The following RABGAP1L variants were observed in gnomAD, a reference collection of about 807,000 sequenced individuals.
RABGAP1L encodes RAB GTPase activating protein 1 like.
Under a neutral mutation model 137.7 loss-of-function variants are expected in RABGAP1L, and 63 were observed. The observed-to-expected ratio is 0.46, with a 90% CI of 0.37 to 0.56. The LOEUF (loss-of-function observed/expected upper bound fraction) is 0.56. Ranked by LOEUF, RABGAP1L falls within the 20% of genes least tolerant of loss-of-function variation. RABGAP1L has a pLI of 0.00. For missense variants in RABGAP1L, 1,095 were observed against 1,244.0 expected (o/e 0.88, Z 1.80); for synonymous variants, 431 against 433.7 (o/e 0.99, Z 0.08).
intron 13 of RABGAP1L, among the ~76,000 whole-genome samples, chr1:174,502,627 T>G (rs1661411718): frequency 7.2e-6 from 1 of 139,746 alleles, no homozygotes; most frequent in African/African-American, 2.8e-5. Context: ...TATATGTACA[T>G]ATATATGTGT....
chr1:174,541,871 T>G (rs1439369336), intron 13 of RABGAP1L, among the ~76,000 whole-genome samples: 16 of 152,154 alleles, frequency 1.1e-4, no homozygotes, highest in Admixed American at 9.8e-4. Flanking sequence ...TTGTCTTTGG[T>G]TCTGTTTATA....
chr1:174,956,306 C>T (rs529191827), intron 19 of RABGAP1L, among the ~76,000 whole-genome samples: 6 of 37,426 alleles, frequency 1.6e-4, no homozygotes, highest in South Asian at 1.5e-3. Context: ...TCAAGCAATT[C>T]TTCTGTCTCA....
chr1:174,592,870 A>T (rs1178186002), intron 13 of RABGAP1L, among the ~76,000 whole-genome samples: 1 of 75,468 alleles, frequency 1.3e-5, no homozygotes, highest in Non-Finnish European at 2.2e-5. Flanking sequence ...GGCCTCATAA[A>T]ATGAGTTAGG....
Position 174,783,707 on chromosome 1 carries a change from C to CTTTTTTTTTTTT in RABGAP1L, c.2212-28116_2212-28105dup, listed in dbSNP as rs34367315. Among the ~76,000 whole-genome samples the CTTTTTTTTTTTT allele has an allele frequency of 2.9e-4, 30 of 102,472 alleles. 2 individuals carry two copies. The highest frequency in any genetic ancestry group is 3.8e-4 in the Non-Finnish European group (20 of 52,152). The allele number at this position is 102,472 out of a possible 152,430, so 67.2% of individuals were successfully genotyped here. The stretch of plus-strand genomic sequence containing the variant: ...TTTGATATGTTTTCTTCTTCTTCTT[C>CTTTTTTTTTTTT]TTTTTTTTTTTTTTTTTTTTGAGAT... On this transcript the variant is annotated intron_variant, in intron 18 of 25. Transcript: ENST00000681986.
At chr1:174,836,486 A>C (rs539947742) in intron 19 of RABGAP1L, among the ~76,000 whole-genome samples, 1 of 152,346 alleles carries the variant, frequency 6.6e-6, no homozygotes, top group South Asian at 2.1e-4. Context: ...CCAGTTTAAT[A>C]ATCAAGTTTT....
chr1:174,869,802 C>T (rs1367345881), intron 19 of RABGAP1L, among the ~76,000 whole-genome samples: 1 of 152,012 alleles, frequency 6.6e-6, no homozygotes, highest in Non-Finnish European at 1.5e-5. Context: ...ATAAAAAAAA[C>T]TCCAAGGAGA....
intron 24 of RABGAP1L, among the ~76,000 whole-genome samples, chr1:174,988,328 A>G (rs1183415122): frequency 1.3e-5 from 2 of 152,194 alleles, no homozygotes; most frequent in African/African-American, 4.8e-5. Context: ...CAAGTAAAGC[A>G]TTTGGTGTGG....
At chr1:174,620,127 T>C (rs1235711170) in intron 13 of RABGAP1L, among the ~76,000 whole-genome samples, 1 of 152,106 alleles carries the variant, frequency 6.6e-6, no homozygotes, top group Non-Finnish European at 1.5e-5. Flanking sequence ...GCACCCAGAT[T>C]CATAATGGAA....
chr1:174,749,090 C>T (rs1007980573), intron 17 of RABGAP1L, among the ~76,000 whole-genome samples: 18 of 151,370 alleles, frequency 1.2e-4, no homozygotes, highest in East Asian at 5.9e-4. Flanking sequence ...GCACAAGAAT[C>T]GCCTGAACCC....
At chr1:174,790,909 G>A (rs558159284) in intron 18 of RABGAP1L, among the ~76,000 whole-genome samples, 20 of 152,046 alleles carry the variant, frequency 1.3e-4, no homozygotes, top group Non-Finnish European at 2.5e-4. Context: ...AAAAAAATGA[G>A]GCTGAGCGTG....
intron 10 of RABGAP1L, among the ~76,000 whole-genome samples, chr1:174,287,919 GTCTT>G (rs1676212284): frequency 1.3e-5 from 2 of 151,990 alleles, no homozygotes; most frequent in Admixed American, 6.6e-5. Flanking sequence ...CTCTTTTGCT[GTCTT>G]TCTTTATAAT....
intron 14 of RABGAP1L, among the ~76,000 whole-genome samples, chr1:174,679,989 A>G (rs1344808868): frequency 6.6e-6 from 1 of 152,242 alleles, no homozygotes; most frequent in Non-Finnish European, 1.5e-5. Flanking sequence ...TAAAGAAAAC[A>G]TGGGAAAAAA....
rs138260053 is a variant in RABGAP1L at position 174,732,176 on chromosome 1, C to T, written c.2170-20137C>T. On this transcript the variant is annotated intron_variant, in intron 17 of 25. Coordinates refer to ENST00000681986, the MANE Select transcript of RABGAP1L (RefSeq NM_001366446.1). ...ATTGCGCCACTGCATTCCAGCCTGGCGACAGAGTGAGACCCCATCCCCCCC... is the reference window on the plus strand; with the variant it reads ...ATTGCGCCACTGCATTCCAGCCTGGTGACAGAGTGAGACCCCATCCCCCCC... 1.1e-3 allele frequency among the ~76,000 whole-genome samples: 166 copies of T among 145,506 alleles called. 2 individuals carry two copies. The East Asian group carries it at 0.03, about 27-fold the overall frequency.
intron 13 of RABGAP1L, among the ~76,000 whole-genome samples, chr1:174,567,011 T>C (rs1250717887): frequency 6.6e-6 from 1 of 152,218 alleles, no homozygotes; most frequent in Non-Finnish European, 1.5e-5. Flanking sequence ...CATTATACTC[T>C]GTGTATACAT....
chr1:174,304,819 G>A (rs887658539), intron 10 of RABGAP1L, among the ~76,000 whole-genome samples, 167 bp from the exon 11 acceptor site: 5 of 152,196 alleles, frequency 3.3e-5, no homozygotes, highest in African/African-American at 1.2e-4. Context: ...AGAATATCCT[G>A]TGAAGGACAG....
intron 14 of RABGAP1L, among the ~76,000 whole-genome samples, chr1:174,641,310 C>T (rs955036105): frequency 4.6e-5 from 7 of 151,938 alleles, no homozygotes; most frequent in Non-Finnish European, 8.8e-5. Flanking sequence ...TTTTAATGGC[C>T]CTGTCAATTC....
chr1:174,613,306 T>C (rs572979184), intron 13 of RABGAP1L, among the ~76,000 whole-genome samples: 74 of 152,308 alleles, frequency 4.9e-4, no homozygotes, highest in East Asian at 2.1e-3. Flanking sequence ...GCCTTCATTT[T>C]GTTATGTACC....
chr1:174,461,035 T>C (rs1023061894), intron 13 of RABGAP1L, among the ~76,000 whole-genome samples: 3 of 152,238 alleles, frequency 2.0e-5, no homozygotes, highest in Non-Finnish European at 4.4e-5. Context: ...TTAAGAACAC[T>C]GAATTCTGTC....
At chr1:174,430,253 A>G (rs1441535742) in intron 13 of RABGAP1L, among the ~76,000 whole-genome samples, 2 of 151,854 alleles carry the variant, frequency 1.3e-5, no homozygotes, top group Non-Finnish European at 2.9e-5. Context: ...GTGGTGGTAC[A>G]TGCCTGTAGT....
Sources: gnomAD v4.1 joint callset for allele counts (sites outside exome capture counted in the v4.1 genomes callset) on GRCh38, gnomAD v4.1.1 for gene constraint, MANE v1.5 for transcripts, NCBI Gene and HGNC (gene_info 2026-07-23, HGNC 2026-07-21) for gene names.